The following SRRM3 variants were observed in gnomAD, a reference collection of about 807,000 sequenced individuals.
SRRM3 encodes the protein serine/arginine repetitive matrix protein 3.
Under a neutral mutation model 66.2 loss-of-function variants are expected in SRRM3, and 27 were observed. The observed-to-expected ratio is 0.41, with a 90% CI of 0.30 to 0.56. SRRM3 has a LOEUF of 0.56. Ranked by LOEUF, SRRM3 falls within the 20% of genes least tolerant of loss-of-function variation. SRRM3 has a pLI of 0.32. For missense variants in SRRM3, 918 were observed against 991.9 expected (o/e 0.93, Z 1.00); for synonymous variants, 391 against 414.9 (o/e 0.94, Z 0.70).
rs890708522 is a variant in SRRM3, at chr7:76,215,399, T to G, written c.-40+13332T>G. Among the ~76,000 whole-genome samples the G allele has an allele frequency of 6.3e-3, 898 of 143,178 alleles. 14 individuals are homozygous for G. Among genetic ancestry groups the G allele is most frequent in the African/African-American group, 0.022 (833 of 38,300 alleles). 93.9% of individuals were successfully genotyped at this position (143,178 alleles called of 152,430 possible). On this transcript the variant is annotated intron_variant, in intron 1 of 14. Coordinates refer to ENST00000611745, the MANE Select transcript of SRRM3 (RefSeq NM_001110199.3). ...CTGGGAGTTAGGAGCCCGCAGTTTT[T>G]TTTTTTTTTTTTTTTTTTTTTAGAC...
intron 1 of SRRM3, among the ~76,000 whole-genome samples, chr7:76,207,775 G>C (rs1412723425): frequency 6.6e-6 from 1 of 152,178 alleles, no homozygotes; most frequent in African/African-American, 2.4e-5. Flanking sequence ...TACTCAGGAG[G>C]CTGAGGTGGG....
chr7:76,275,336 A>T (rs1802317440), intron 11 of SRRM3, among the ~76,000 whole-genome samples: 1 of 151,514 alleles, frequency 6.6e-6, no homozygotes, highest in South Asian at 2.1e-4. Flanking sequence ...GAAAGGAAGA[A>T]AGGGCAAGCT....
In SRRM3 at chr7:76,286,336, T is replaced by C. The variant is rs1802674875; in HGVS notation, c.*493T>C. The stretch of plus-strand genomic sequence containing the variant: ...GCAGACGAGGAGGTGGTACAGCACA[T>C]GGGTTTGGAGCTAGACAGAAGGAAG... On this transcript the variant is annotated 3_prime_UTR_variant, in exon 15 of 15. Transcript: ENST00000611745. The C allele has an allele frequency of 6.2e-6, 1 of 162,210 alleles. No homozygotes were observed. 10.0% of individuals were successfully genotyped at this position (162,210 alleles called of 1,614,324 possible).
chr7:76,241,629 G>T (rs530286197), intron 2 of SRRM3, among the ~76,000 whole-genome samples: 1 of 151,960 alleles, frequency 6.6e-6, no homozygotes, highest in Admixed American at 6.6e-5. Flanking sequence ...TTGGCCTCCC[G>T]AGTAGCTGGG....
At chr7:76,267,513 C>A in intron 11 of SRRM3, 78 bp downstream of exon 11, 1 of 933,838 alleles carries the variant, frequency 1.1e-6, no homozygotes, top group Non-Finnish European at 1.4e-6. Flanking sequence ...GCCAGCGGGG[C>A]AGGGGGCGAT....
rs1554609579 is a variant in SRRM3, at chr7:76,266,228, A to AT, written c.830+763dup. On this transcript the variant is annotated intron_variant, in intron 10 of 14. Transcript: ENST00000611745. ...ATTTAATATATATAAATATTTATAT[A>AT]TTTAATATATATAAATATTTATATA... 8.8e-3 allele frequency among the ~76,000 whole-genome samples: 743 copies of AT among 83,968 alleles called. 36 individuals carry two copies. Among genetic ancestry groups the AT allele is most frequent in the Non-Finnish European group, 0.012 (594 of 51,168 alleles). 55.1% of individuals were successfully genotyped at this position (83,968 alleles called of 152,430 possible).
At chr7:76,211,633 C>T (rs1405527283) in intron 1 of SRRM3, among the ~76,000 whole-genome samples, 1 of 152,056 alleles carries the variant, frequency 6.6e-6, no homozygotes, top group African/African-American at 2.4e-5. Flanking sequence ...CTTTCCTCTC[C>T]TCTCTGCGGC....
Position 76,229,861 on chromosome 7 carries a change from A to T in SRRM3, c.-39-5167A>T, listed in dbSNP as rs562516707. Among the ~76,000 whole-genome samples the T allele has an allele frequency of 1.1e-4, 17 of 149,678 alleles. 1 individual carries two copies. In the South Asian group the frequency reaches 3.6e-3, roughly 32 times the overall value. On this transcript the variant is annotated intron_variant, in intron 1 of 14. Coordinates refer to ENST00000611745, the MANE Select transcript of SRRM3 (RefSeq NM_001110199.3). ...CAGGTTCAAGTGATTCTTCTGCCTC[A>T]GCCTCCCGAATAGCTTAGATTGCAG...
chr7:76,234,932 G>A, intron 1 of SRRM3, 96 bp from the exon 2 acceptor site: 1 of 721,720 alleles, frequency 1.4e-6, no homozygotes, highest in Admixed American at 3.1e-5. Flanking sequence ...AGCCATGAGT[G>A]TGCCCTTAAA....
At chr7:76,259,797 C>A in intron 3 of SRRM3, 109 bp from the exon 4 acceptor site, 1 of 1,545,104 alleles carries the variant, frequency 6.5e-7, no homozygotes, top group East Asian at 2.3e-5. Context: ...CTCCCCCAGC[C>A]GGGTAGCAGC....
At chr7:76,237,809 T>G (rs916016432) in intron 2 of SRRM3, among the ~76,000 whole-genome samples, 1 of 151,396 alleles carries the variant, frequency 6.6e-6, no homozygotes, top group African/African-American at 2.4e-5. Flanking sequence ...CTCTGTACTT[T>G]CCCATCCTGA....
chr7:76,242,132 C>G (rs1801314061), intron 2 of SRRM3, among the ~76,000 whole-genome samples: 3 of 152,110 alleles, frequency 2.0e-5, no homozygotes, highest in African/African-American at 7.2e-5. Flanking sequence ...CAGCTCTTTC[C>G]TAAACTAATA....
intron 11 of SRRM3, chr7:76,273,345 A>G (rs1023960223): frequency 6.6e-6 from 1 of 151,964 alleles, no homozygotes; most frequent in Non-Finnish European, 1.5e-5. Flanking sequence ...CTGTTGTTTG[A>G]ACAATAAAGA....
At chr7:76,216,483 G>T (rs1466674887) in intron 1 of SRRM3, among the ~76,000 whole-genome samples, 1 of 152,204 alleles carries the variant, frequency 6.6e-6, no homozygotes, top group African/African-American at 2.4e-5. Flanking sequence ...GTCCTTGAGG[G>T]TCCCTTCCTT....
rs1554611561 is a variant in SRRM3, at chr7:76,279,552, T to C, written c.1009-1889T>C. ...GCCAAGGACAGGAGGAGGGATCAGC[T>C]CTGTGTAGGGAGGGAGACAGGGAGG... On this transcript the variant is annotated intron_variant, in intron 11 of 14. Transcript: ENST00000611745. 2.0e-5 allele frequency among the ~76,000 whole-genome samples: 3 copies of C among 149,308 alleles called. No homozygotes were observed. In the East Asian group the frequency reaches 5.9e-4, roughly 29 times the overall value.
At chr7:76,236,998 C>G (rs1160167588) in intron 2 of SRRM3, among the ~76,000 whole-genome samples, 1 of 152,102 alleles carries the variant, frequency 6.6e-6, no homozygotes, top group African/African-American at 2.4e-5. Flanking sequence ...CACGGCTGTA[C>G]CAGCTCACGT....
At chr7:76,254,169 C>T (rs551189044) in intron 3 of SRRM3, among the ~76,000 whole-genome samples, 23 of 151,822 alleles carry the variant, frequency 1.5e-4, no homozygotes, top group Non-Finnish European at 2.9e-4. Flanking sequence ...AGCTAATCTA[C>T]ATGTTTTTTG....
At chr7:76,263,127 G>A (rs1801923525) in intron 8 of SRRM3, among the ~76,000 whole-genome samples, 1 of 152,152 alleles carries the variant, frequency 6.6e-6, no homozygotes, top group Admixed American at 6.5e-5. Context: ...CTGCCCCCAA[G>A]TGGCCACCAT....
Position 76,281,761 on chromosome 7 carries a change from CGAGCCCGGCTCT to C in SRRM3, c.1334_1345del (p.Pro445_Glu448del). On this transcript the variant is annotated inframe_deletion, in exon 12 of 15. Coordinates refer to ENST00000611745, the MANE Select transcript of SRRM3 (RefSeq NM_001110199.3). ...GCCGCGGCGCCCCCGGCCCCGGGCC[CGAGCCCGGCTCT>C]GAGCGAGGCCACGGCGGACACGGGA... 7.3e-7 allele frequency: 1 copy of C among 1,378,232 alleles called. No individual in the cohort carries two copies. The highest frequency in any genetic ancestry group is 1.5e-5 in the South Asian group (1 of 68,792). The allele number at this position is 1,378,232 out of a possible 1,614,324, so 85.4% of individuals were successfully genotyped here. A position where few individuals can be genotyped will look rare whatever the true frequency, so the allele number is the denominator to read the frequency against.
Sources: allele counts gnomAD v4.1 joint callset (sites outside exome capture counted in the v4.1 genomes callset), GRCh38; gene constraint gnomAD v4.1.1; transcripts MANE v1.5; gene names NCBI Gene and HGNC (gene_info 2026-07-23, HGNC 2026-07-21).